The following SSPN variants were observed in gnomAD, a reference collection of about 807,000 sequenced individuals.
The protein encoded by SSPN is K-ras oncogene-associated protein.
A neutral mutation model predicts 19.1 loss-of-function variants in SSPN; 15 were observed. That is an observed-to-expected ratio of 0.78 (90% CI 0.52 to 1.21). The LOEUF is 1.21. SSPN is among the 50% of genes most tolerant of loss of function. The pLI is 0.00. For missense variants in SSPN, 291 were observed against 314.0 expected (o/e 0.93, Z 0.55); for synonymous variants, 147 against 140.3 (o/e 1.05, Z -0.34).
chr12:26,234,424 A>G lies in SSPN; in HGVS notation c.*3348A>G, dbSNP rs374729548. On this transcript the variant is annotated 3_prime_UTR_variant, in exon 3 of 3. Transcript: ENST00000242729. ...GTTCTTGCTATTCTCAGAGCACTCT[A>G]TCATGTTTTTAGGTGTATATTGTGT... 14 of 152,194 alleles carry G rather than the reference A, an allele frequency of 9.2e-5. No individual in the cohort carries two copies. In the East Asian group the frequency reaches 2.3e-3, roughly 25 times the overall value. 9.4% of individuals were successfully genotyped at this position (152,194 alleles called of 1,614,324 possible).
At chr12:26,155,258 G>A (rs1332902112) in intron 1 of SSPN, among the ~76,000 whole-genome samples, 2 of 152,140 alleles carry the variant, frequency 1.3e-5, no homozygotes, top group Non-Finnish European at 1.5e-5. Context: ...AAAGTTACTT[G>A]TCCAGACTAA....
Position 26,122,364 on chromosome 12 carries a change from G to C in SSPN, c.-31+212G>C, listed in dbSNP as rs121912617. 3.7e-5 allele frequency: 44 copies of C among 1,180,498 alleles called. No individual in the cohort carries two copies. Among genetic ancestry groups the C allele is most frequent in the Non-Finnish European group, 4.0e-5 (38 of 954,282 alleles). 73.1% of individuals were successfully genotyped at this position (1,180,498 alleles called of 1,614,324 possible). A position where few individuals can be genotyped will look rare whatever the true frequency, so the allele number is the denominator to read the frequency against. ...GATGCCGGGGTATAGCAGCGGGAAC[G>C]GGGCGGCAGCCGCCGCCGGGTACAG... On this transcript the variant is annotated intron_variant, in intron 1 of 2. Transcript: ENST00000538142.
intron 1 of SSPN, among the ~76,000 whole-genome samples, chr12:26,131,200 A>G (rs956583735): frequency 3.3e-5 from 5 of 152,210 alleles, no homozygotes; most frequent in African/African-American, 9.6e-5. Flanking sequence ...AAAAATGTCA[A>G]TCTTCCTGTC....
At chr12:26,208,649 A>G (rs564877585) in intron 1 of SSPN, among the ~76,000 whole-genome samples, 15 of 151,996 alleles carry the variant, frequency 9.9e-5, no homozygotes, top group Admixed American at 2.0e-4. Context: ...CCCTACTCCA[A>G]GGCCATAAAA....
intron 2 of SSPN, among the ~76,000 whole-genome samples, chr12:26,227,064 G>A (rs982168750): frequency 3.9e-5 from 6 of 152,108 alleles, no homozygotes; most frequent in Non-Finnish European, 7.4e-5. Context: ...TCCCGCGCCG[G>A]GCTTTTATCA....
intron 1 of SSPN, among the ~76,000 whole-genome samples, chr12:26,201,032 T>TA (rs1428516813): frequency 5.2e-5 from 2 of 38,198 alleles, no homozygotes; most frequent in East Asian, 6.5e-3. Flanking sequence ...TATATATATA[T>TA]ATATATATAT....
chr12:26,213,369 G>C (rs1425038654), intron 1 of SSPN, among the ~76,000 whole-genome samples: 1 of 152,136 alleles, frequency 6.6e-6, no homozygotes, highest in African/African-American at 2.4e-5. Context: ...TGCTATGAAA[G>C]CAAAATATCA....
In SSPN at chr12:26,219,541, G is replaced by A. The variant is rs116578173; in HGVS notation, c.280-4752G>A. On this transcript the variant is annotated intron_variant, in intron 1 of 2. Transcript: ENST00000242729. ...CCCTGTCTAACTTTCTAGCTCACAAGAGAGAATGCAGACTTCACTCTGCAT... is the reference window on the plus strand; with the variant it reads ...CCCTGTCTAACTTTCTAGCTCACAAAAGAGAATGCAGACTTCACTCTGCAT... Among the ~76,000 whole-genome samples the A allele has an allele frequency of 4.4e-3, 675 of 152,294 alleles. 2 individuals are homozygous for A. The highest frequency in any genetic ancestry group is 0.015 in the African/African-American group (610 of 41,550).
At chr12:26,132,972 A>ATGATTAGG (rs979742857) in intron 1 of SSPN, among the ~76,000 whole-genome samples, 5 of 152,060 alleles carry the variant, frequency 3.3e-5, no homozygotes, top group Admixed American at 3.3e-4. Flanking sequence ...TTTTAGGGGG[A>ATGATTAGG]GATTAGGACA....
chr12:26,183,031 G>C (rs1944730043), intron 1 of SSPN, among the ~76,000 whole-genome samples: 1 of 152,240 alleles, frequency 6.6e-6, no homozygotes, highest in South Asian at 2.1e-4. Flanking sequence ...CTCCCAAAGT[G>C]CTTGGATTAC....
At chr12:26,163,584 G>A (rs184208580) in intron 1 of SSPN, among the ~76,000 whole-genome samples, 4 of 152,338 alleles carry the variant, frequency 2.6e-5, no homozygotes, top group African/African-American at 7.2e-5. Flanking sequence ...GAACAGAAGA[G>A]TAAGGTAGTT....
At chr12:26,124,254 C>A in intron 1 of SSPN, 1 of 496,978 alleles carries the variant, frequency 2.0e-6, no homozygotes, top group Non-Finnish European at 3.5e-6. Flanking sequence ...CCCTCGTCTG[C>A]CCCCCCCGCC....
rs763960839 is a variant in SSPN, at chr12:26,174,475, G to GCTTCCTTC, written c.-30-49796_-30-49789dup. On this transcript the variant is annotated intron_variant, in intron 1 of 2. Transcript: ENST00000538142. Reference sequence around the variant, plus strand: ...CCTCCTTCCCCATCCTGCTACCCACGCTTCCTTCCTTCCTTCCTTCCTTCC... The same window carrying GCTTCCTTC: ...CCTCCTTCCCCATCCTGCTACCCACGCTTCCTTCCTTCCTTCCTTCCTTCCTTCCTTCC... 3.0e-4 allele frequency among the ~76,000 whole-genome samples: 36 copies of GCTTCCTTC among 121,998 alleles called. 2 individuals are homozygous for GCTTCCTTC. The highest frequency in any genetic ancestry group is 1.3e-3 in the African/African-American group (33 of 25,756). The allele number at this position is 121,998 out of a possible 152,430, so 80.0% of individuals were successfully genotyped here.
chr12:26,230,950 TTTGGTCTGCGGCCTTGTGTGCTTG>T lies in SSPN; in HGVS notation c.611_634del (p.Val204_Leu211del). 1 of 1,614,204 alleles carries T rather than the reference TTTGGTCTGCGGCCTTGTGTGCTTG, an allele frequency of 6.2e-7. No homozygotes were observed. The highest frequency in any genetic ancestry group is 8.5e-7 in the Non-Finnish European group (1 of 1,180,042). On this transcript the variant is annotated inframe_deletion, in exon 3 of 3. Coordinates refer to ENST00000242729, the MANE Select transcript of SSPN (RefSeq NM_005086.5). ...TCTTACTCATCCAGATGATTCTTAA[TTTGGTCTGCGGCCTTGTGTGCTTG>T]TTGGCCTGCTTTGTGATGTGGAAAC...
upstream of SSPN, among the ~76,000 whole-genome samples, chr12:26,192,979 C>T (rs1333155415): frequency 6.6e-6 from 1 of 152,138 alleles, no homozygotes; most frequent in Non-Finnish European, 1.5e-5. Context: ...CTTTTAATTG[C>T]ATGACAATTT....
At chr12:26,216,967 G>A (rs1292852852) in intron 1 of SSPN, among the ~76,000 whole-genome samples, 1 of 124,406 alleles carries the variant, frequency 8.0e-6, no homozygotes, top group Admixed American at 8.2e-5. Context: ...ATGCTGTTTT[G>A]GTTACTGTAG....
Position 26,231,751 on chromosome 12 carries a change from C to A in SSPN, c.*675C>A. On this transcript the variant is annotated 3_prime_UTR_variant, in exon 3 of 3. Coordinates refer to ENST00000242729, the MANE Select transcript of SSPN (RefSeq NM_005086.5). ...CCAAATGCTTTAGATGATTGCCTCT[C>A]AATAATTGAAAGGTGGTGGTAGTTG... 1 of 228,256 alleles carries A rather than the reference C, an allele frequency of 4.4e-6. No individual in the cohort carries two copies. The highest frequency in any genetic ancestry group is 7.3e-6 in the Non-Finnish European group (1 of 137,824). The allele number at this position is 228,256 out of a possible 1,614,324, so 14.1% of individuals were successfully genotyped here. A position where few individuals can be genotyped will look rare whatever the true frequency, so the allele number is the denominator to read the frequency against.
At chr12:26,209,667 G>A (rs1473281870) in intron 1 of SSPN, among the ~76,000 whole-genome samples, 2 of 151,892 alleles carry the variant, frequency 1.3e-5, no homozygotes, top group Admixed American at 6.6e-5. Flanking sequence ...TATCCCTGGT[G>A]CTTTAAAAAC....
chr12:26,122,630 GC>G (rs768631639), intron 1 of SSPN: 6 of 1,222,222 alleles, frequency 4.9e-6, no homozygotes, highest in Non-Finnish European at 5.1e-6. Context: ...CCGCCGCGCC[GC>G]CCCCCGGGCC....
Sources: gnomAD v4.1 joint callset for allele counts (sites outside exome capture counted in the v4.1 genomes callset) on GRCh38, gnomAD v4.1.1 for gene constraint, MANE v1.5 for transcripts, NCBI Gene and HGNC (gene_info 2026-07-23, HGNC 2026-07-21) for gene names.